Variants in TSPAN19 observed in about 807,000 individuals in gnomAD.
The protein encoded by TSPAN19 is tetraspanin-19.
A neutral mutation model predicts 35.1 loss-of-function variants in TSPAN19; 44 were observed. That is an observed-to-expected ratio of 1.25 (90% CI 0.98 to 1.61). The LOEUF (loss-of-function observed/expected upper bound fraction) is 1.61, where lower values mean the gene tolerates loss of function less well. Ranked by LOEUF, TSPAN19 falls within the 40% of genes most tolerant of loss-of-function variation. The pLI is 0.00. For synonymous variants in TSPAN19, 79 were observed against 92.0 expected (o/e 0.86, Z 0.81); for missense variants, 290 against 280.0 (o/e 1.04, Z -0.26).
rs961859995 is a variant in TSPAN19, at chr12:85,032,123, T to A, written c.-27-2150A>T. ...TTAGAAGAAAAATTCATAAATTCAA[T>A]ATTTCATGATTAAATTTGAATTGGT... is the stretch of plus-strand genomic sequence containing the variant. On this transcript the variant is annotated intron_variant, in intron 1 of 8. Coordinates refer to ENST00000532498, the MANE Select transcript of TSPAN19 (RefSeq NM_001100917.2). 2.0e-5 allele frequency among the ~76,000 whole-genome samples: 3 copies of A among 152,142 alleles called. No homozygotes were observed. The East Asian group carries it at 5.8e-4, about 29-fold the overall frequency.
intron 5 of TSPAN19, among the ~76,000 whole-genome samples, chr12:85,022,605 C>G (rs1425462631): frequency 6.6e-6 from 1 of 152,062 alleles, no homozygotes; most frequent in Non-Finnish European, 1.5e-5. Flanking sequence ...ACAGCAACAA[C>G]TTGCTGTAAA....
chr12:85,030,035 C>T, intron 1 of TSPAN19, 62 bp from the exon 2 acceptor site: 2 of 1,217,764 alleles, frequency 1.6e-6, no homozygotes, highest in South Asian at 3.6e-5. Context: ...TTTCTCCCTA[C>T]TTATGTTCTT....
intron 4 of TSPAN19, 87 bp downstream of exon 4, chr12:85,027,812 T>A (rs1565769145): frequency 1.5e-6 from 2 of 1,308,960 alleles, no homozygotes; most frequent in Admixed American, 2.6e-5. Flanking sequence ...TGCAGTGCCA[T>A]GCTAATATAA....
chr12:85,033,517 A>G (rs1481594740), intron 1 of TSPAN19, among the ~76,000 whole-genome samples: 1 of 152,104 alleles, frequency 6.6e-6, no homozygotes, highest in Non-Finnish European at 1.5e-5. Context: ...CAGCATTGGG[A>G]TAACCAAAGA....
intron 8 of TSPAN19, chr12:85,015,541 TACACACACAC>T (rs10549033): frequency 3.0e-4 from 44 of 146,964 alleles, no homozygotes; most frequent in African/African-American, 5.3e-4. Flanking sequence ...TATGAACATA[TACACACACAC>T]ACACACACAC....
chr12:85,025,420 G>A (rs550453822), intron 4 of TSPAN19, among the ~76,000 whole-genome samples: 37 of 152,206 alleles, frequency 2.4e-4, no homozygotes, highest in South Asian at 1.0e-3. Flanking sequence ...GATTACAGGC[G>A]TGAGCCACCA....
chr12:85,031,153 C>A (rs147081545), intron 1 of TSPAN19, among the ~76,000 whole-genome samples: 1 of 152,062 alleles, frequency 6.6e-6, no homozygotes, highest in Admixed American at 6.6e-5. Context: ...TCTCAGTTTA[C>A]GGAGTCACTA....
At chr12:85,018,574 C>T (rs944889754) in intron 6 of TSPAN19, among the ~76,000 whole-genome samples, 6 of 151,762 alleles carry the variant, frequency 4.0e-5, no homozygotes, top group Admixed American at 1.3e-4. Flanking sequence ...AATACATGTA[C>T]GGATCACATA....
chr12:85,014,627 T>C (rs528745691), intron 8 of TSPAN19, 72 bp from the exon 9 acceptor site: 59 of 1,136,572 alleles, frequency 5.2e-5, no homozygotes, highest in Non-Finnish European at 7.6e-5. Flanking sequence ...GTTAACAATA[T>C]ATAGTCACCA....
At chr12:85,022,478 A>T (rs1429922965) in intron 5 of TSPAN19, among the ~76,000 whole-genome samples, 1 of 152,134 alleles carries the variant, frequency 6.6e-6, no homozygotes. Context: ...GAGGTAAGAG[A>T]ACTCTTGAGT....
At chr12:85,017,980 T>A (rs1876908791) in intron 6 of TSPAN19, among the ~76,000 whole-genome samples, 1 of 151,896 alleles carries the variant, frequency 6.6e-6, no homozygotes, top group African/African-American at 2.4e-5. Flanking sequence ...ATTTAAAGAA[T>A]ATGCAGTCAT....
At chr12:85,021,102 T>G (rs1168632585) in intron 5 of TSPAN19, among the ~76,000 whole-genome samples, 1 of 152,060 alleles carries the variant, frequency 6.6e-6, no homozygotes, top group East Asian at 1.9e-4. Context: ...TTATAACAAA[T>G]TACTAATTTG....
intron 3 of TSPAN19, among the ~76,000 whole-genome samples, chr12:85,029,402 C>T (rs955638688): frequency 1.3e-5 from 2 of 152,014 alleles, no homozygotes; most frequent in African/African-American, 4.8e-5. Context: ...ATTAGCATGT[C>T]CGGTCATCTC....
At chr12:85,014,840 C>T (rs551352978) in intron 8 of TSPAN19, 1 of 223,352 alleles carries the variant, frequency 4.5e-6, no homozygotes, top group African/African-American at 2.3e-5. Context: ...CCTGGACAAA[C>T]TGCTGATGGT....
rs1359573888 is a variant in TSPAN19 at position 85,017,516 on chromosome 12, G to A, written c.534C>T (p.Cys178=). Residue 178 remains cysteine (C), a synonymous_variant, in exon 7 of 9, where the codon TGC becomes TGT. Transcript: ENST00000532498. ...KENSGQVPCS[C]TKSTLRKWFC... is the part of the protein sequence containing the mutation. Reference sequence around the variant, plus strand: ...ACCATTTTCTTAAAGTTGACTTTGTGCAAGAACATGGCACCTGTCCTGAAT... The same window carrying A: ...ACCATTTTCTTAAAGTTGACTTTGTACAAGAACATGGCACCTGTCCTGAAT... 1 of 1,605,772 alleles carries A rather than the reference G, an allele frequency of 6.2e-7. No individual in the cohort carries two copies. Among genetic ancestry groups the A allele is most frequent in the East Asian group, 2.2e-5 (1 of 44,550 alleles).
chr12:85,032,528 AT>A (rs1332302998), intron 1 of TSPAN19, among the ~76,000 whole-genome samples: 1 of 152,142 alleles, frequency 6.6e-6, no homozygotes, highest in Admixed American at 6.6e-5. Flanking sequence ...GAAGATGTTT[AT>A]GGTAATTTCA....
rs149208305 is a variant in TSPAN19 at position 85,031,646 on chromosome 12, C to T, written c.-27-1673G>A. ...GGTGATTGGTTCACTTCTAGAAAAT[C>T]ATGTTAGAAACTTGGAGCTAACTCT... On this transcript the variant is annotated intron_variant, in intron 1 of 8. Coordinates refer to ENST00000532498, the MANE Select transcript of TSPAN19 (RefSeq NM_001100917.2). Among the ~76,000 whole-genome samples the T allele has an allele frequency of 6.7e-3, 1,013 of 152,214 alleles. 16 individuals carry two copies. Among genetic ancestry groups the T allele is most frequent in the African/African-American group, 0.023 (954 of 41,552 alleles).
chr12:85,035,198 C>T (rs1206804529), intron 1 of TSPAN19: 1 of 152,026 alleles, frequency 6.6e-6, no homozygotes, highest in Non-Finnish European at 1.5e-5. Context: ...TTGGAGGCTA[C>T]AGTGAGCAAT....
chr12:85,034,760 A>T (rs1877854794), intron 1 of TSPAN19, among the ~76,000 whole-genome samples: 1 of 152,192 alleles, frequency 6.6e-6, no homozygotes, highest in African/African-American at 2.4e-5. Flanking sequence ...TATTCTAGCG[A>T]AATTATGACT....
Sources: allele counts gnomAD v4.1 joint callset (sites outside exome capture counted in the v4.1 genomes callset), GRCh38; gene constraint gnomAD v4.1.1; transcripts MANE v1.5; gene names NCBI Gene and HGNC (gene_info 2026-07-23, HGNC 2026-07-21).